Variants in AMPD1 observed in about 807,000 individuals in gnomAD.
AMPD1 encodes adenosine monophosphate deaminase 1.
In AMPD1, 74 loss-of-function variants were observed where a neutral mutation model predicts 82.9. The observed-to-expected ratio is 0.89, with a 90% CI of 0.74 to 1.08. AMPD1 has a LOEUF of 1.08. AMPD1 is among the 50% of genes least tolerant of loss of function. The pLI is 0.00. For synonymous variants in AMPD1, 333 were observed against 320.5 expected, an observed-to-expected ratio of 1.04 and a Z score of -0.42; for missense variants, 881 against 924.5, an observed-to-expected ratio of 0.95 and a Z score of 0.61.
chr1:114,684,819 AT>A (rs1172113562), intron 4 of AMPD1, among the ~76,000 whole-genome samples: 1 of 152,214 alleles, frequency 6.6e-6, no homozygotes, highest in Non-Finnish European at 1.5e-5. Flanking sequence ...ATATTTTGGG[AT>A]GAATAAGGGG....
At position 114,677,978 on chromosome 1, in the gene AMPD1, C is replaced by T. The variant is rs978092801; in HGVS notation, c.1156G>A (p.Glu386Lys). The T allele has an allele frequency of 4.3e-6, 7 of 1,613,820 alleles. No individual in the cohort carries two copies. The African/African-American group carries it at 8.0e-5, about 18-fold the overall frequency. Residue 386 changes from glutamate to lysine, a missense_variant, in exon 9 of 16, where the codon GAG becomes AAG. Transcript: ENST00000520113. Reference sequence around the variant, plus strand: ...GTCTTCAAGTAGAGGTCCCGTAGCTCACTTGCTCCTACAGGATTATATTTG... The same window carrying T: ...GTCTTCAAGTAGAGGTCCCGTAGCTTACTTGCTCCTACAGGATTATATTTG... ...NDKYNPVGAS[E>K]LRDLYLKTDN...
chr1:114,679,694 TG>T lies in AMPD1; in HGVS notation c.781del (p.His261ThrfsTer4), dbSNP rs1553240970. 6.2e-7 allele frequency: 1 copy of T among 1,613,838 alleles called. No individual in the cohort carries two copies. The highest frequency in any genetic ancestry group is 8.5e-7 in the Non-Finnish European group (1 of 1,179,956). Reference sequence around the variant, plus strand: ...GGAGGAGAGGAACTTCAGGCGCCGGTGGGTATAGGTCTTACTGTGAAAAATA... The same window carrying T: ...GGAGGAGAGGAACTTCAGGCGCCGGTGGTATAGGTCTTACTGTGAAAAATA... ...IAQGPVKTYT[H>X]RRLKFLSSKF... On this transcript the variant is annotated frameshift_variant, in exon 7 of 16. Coordinates refer to ENST00000520113, the MANE Select transcript of AMPD1 (RefSeq NM_000036.3). LOFTEE classifies it high-confidence loss of function.
At position 114,674,061 on chromosome 1, in the gene AMPD1, A is replaced by G. The variant is rs1299732241; in HGVS notation, c.1822T>C (p.Phe608Leu). 2 of 1,613,878 alleles carry G rather than the reference A, an allele frequency of 1.2e-6. No homozygotes were observed. The highest frequency in any genetic ancestry group is 1.7e-6 in the Non-Finnish European group (2 of 1,179,874). The change falls in exon 14 of 16, where the codon TTT becomes CTT. Residue 608 changes from phenylalanine to leucine, a missense_variant. Transcript: ENST00000520113. Reference protein sequence around the residue: ...LKKSPVLQYLFFLAQIPIAMS... With the variant: ...LKKSPVLQYLLFLAQIPIAMS... Reference sequence around the variant, plus strand: ...GCGATGGGAATTTGGGCTAAGAAAAACAAGTACTGTAGCACGGGACTCTGA... The same window carrying G: ...GCGATGGGAATTTGGGCTAAGAAAAGCAAGTACTGTAGCACGGGACTCTGA...
intron 2 of AMPD1, 36 bp downstream of exon 2, chr1:114,693,400 T>C (rs112134699): frequency 1.9e-6 from 3 of 1,601,458 alleles, no homozygotes; most frequent in South Asian, 2.2e-5. Context: ...AAATTGATAC[T>C]CTGACAAATG....
chr1:114,682,692 C>T (rs1658194525), intron 5 of AMPD1, among the ~76,000 whole-genome samples: 1 of 152,152 alleles, frequency 6.6e-6, no homozygotes, highest in African/African-American at 2.4e-5. Flanking sequence ...CATTCTCCTG[C>T]CTCAGCCTCC....
In AMPD1 at chr1:114,676,079, A is replaced by G. The variant is rs1657973552; in HGVS notation, c.1389-76T>C. ...GATAGCCCCAGTATGAGGGAACCAG[A>G]GAATCGAATGTCATGCACAGGAAAA... On this transcript the variant is annotated intron_variant, in intron 10 of 15. Transcript: ENST00000520113. 5.9e-6 allele frequency: 9 copies of G among 1,521,078 alleles called. No homozygotes were observed. The East Asian group carries it at 1.6e-4, about 27-fold the overall frequency. 94.2% of individuals were successfully genotyped at this position (1,521,078 alleles called of 1,614,324 possible).
chr1:114,684,192 T>C lies in AMPD1; in HGVS notation c.547+7A>G. ...ATGTTTCATACATTATGTAAGAGAA[T>C]TGTTACCTGGATAGAAGCTCTCATT... On this transcript the variant is annotated splice_region_variant and intron_variant, in intron 5 of 15. Coordinates refer to ENST00000520113, the MANE Select transcript of AMPD1 (RefSeq NM_000036.3). 3.1e-6 allele frequency: 5 copies of C among 1,613,930 alleles called. No homozygotes were observed. In the South Asian group the frequency reaches 4.4e-5, roughly 14 times the overall value.
intron 4 of AMPD1, among the ~76,000 whole-genome samples, chr1:114,685,981 C>T (rs1380466419): frequency 6.6e-6 from 1 of 152,116 alleles, no homozygotes; most frequent in Non-Finnish European, 1.5e-5. Flanking sequence ...TTTGGAGCAT[C>T]GACGGACGGC....
At chr1:114,694,427 T>A (rs145765267) in intron 1 of AMPD1, among the ~76,000 whole-genome samples, 66 of 151,946 alleles carry the variant, frequency 4.3e-4, no homozygotes, top group African/African-American at 1.5e-3. Flanking sequence ...ATGTGCAATA[T>A]AATAACAGTG....
chr1:114,693,295 C>T, intron 2 of AMPD1, 141 bp downstream of exon 2: 1 of 826,296 alleles, frequency 1.2e-6, no homozygotes, highest in South Asian at 1.4e-5. Flanking sequence ...TATCTATGGT[C>T]ATTATGAATC....
chr1:114,694,571 C>T (rs1171356260), intron 1 of AMPD1, among the ~76,000 whole-genome samples: 2 of 152,126 alleles, frequency 1.3e-5, no homozygotes, highest in Non-Finnish European at 2.9e-5. Context: ...TGGCTGGGTG[C>T]AGTGGCTAAC....
At chr1:114,684,087 T>C (rs1053067819) in intron 5 of AMPD1, 112 bp downstream of exon 5, 16 of 1,182,246 alleles carry the variant, frequency 1.4e-5, no homozygotes, top group Non-Finnish European at 1.8e-5. Flanking sequence ...AAGATGATTA[T>C]GACTATGATA....
intron 4 of AMPD1, among the ~76,000 whole-genome samples, chr1:114,684,650 G>T (rs1658259848): frequency 6.6e-6 from 1 of 152,166 alleles, no homozygotes. Flanking sequence ...ACATAGCAGG[G>T]ATTATCTAGC....
chr1:114,673,491 GAT>G (rs2101709807), intron 15 of AMPD1, 146 bp downstream of exon 15: 1 of 865,256 alleles, frequency 1.2e-6, no homozygotes, highest in East Asian at 2.6e-5. Context: ...CAGGCAAAGA[GAT>G]AGAATAATCC....
Position 114,687,018 on chromosome 1 carries a change from A to G in AMPD1, c.216-108T>C, listed in dbSNP as rs1307587223. 4 of 1,239,520 alleles carry G rather than the reference A, an allele frequency of 3.2e-6. No individual in the cohort carries two copies. In the East Asian group the frequency reaches 7.2e-5, roughly 22 times the overall value. 76.8% of individuals were successfully genotyped at this position (1,239,520 alleles called of 1,614,324 possible). On this transcript the variant is annotated intron_variant, in intron 3 of 15. Coordinates refer to ENST00000520113, the MANE Select transcript of AMPD1 (RefSeq NM_000036.3). ...TTTTATTCTGAGGACAAAAAGTAAA[A>G]ATTAAAATGTGGTTGGGTATCAGAA...
chr1:114,674,955 T>C, intron 12 of AMPD1, 83 bp from the exon 13 acceptor site: 1 of 1,559,930 alleles, frequency 6.4e-7, no homozygotes, highest in Non-Finnish European at 8.8e-7. Flanking sequence ...AAGTGAACAC[T>C]CTGGAAGGAA....
Position 114,680,249 on chromosome 1 carries a change from A to T in AMPD1, c.767+10T>A, listed in dbSNP as rs768426503. 2 of 1,612,014 alleles carry T rather than the reference A, an allele frequency of 1.2e-6. No homozygotes were observed. The highest frequency in any genetic ancestry group is 4.5e-5 in the East Asian group (2 of 44,878). ...TAGTTGTTGTTGTTTAGGTCTCACT[A>T]AACACTTACACAGGTCCTTGAGCAA... On this transcript the variant is annotated intron_variant, in intron 6 of 15. Coordinates refer to ENST00000520113, the MANE Select transcript of AMPD1 (RefSeq NM_000036.3).
chr1:114,674,390 T>A (rs1366268691), intron 13 of AMPD1, among the ~76,000 whole-genome samples: 1 of 152,188 alleles, frequency 6.6e-6, no homozygotes, highest in Non-Finnish European at 1.5e-5. Flanking sequence ...TTTTTCTCTC[T>A]CTCTCTACAA....
chr1:114,681,665 C>T (rs1165179605), intron 5 of AMPD1, among the ~76,000 whole-genome samples: 2 of 151,556 alleles, frequency 1.3e-5, no homozygotes, highest in Non-Finnish European at 2.9e-5. Context: ...CACACAGGCA[C>T]AGCCAGTCTC....
Sources: allele counts gnomAD v4.1 joint callset (sites outside exome capture counted in the v4.1 genomes callset), GRCh38; gene constraint gnomAD v4.1.1; transcripts MANE v1.5; gene names NCBI Gene and HGNC (gene_info 2026-07-23, HGNC 2026-07-21).